DPP9: variants seen among roughly 807,000 people sequenced by gnomAD.
The protein encoded by DPP9 is dipeptidyl peptidase IV-related protein-2.
Under a neutral mutation model 110.7 loss-of-function variants are expected in DPP9, and 50 were observed. That is an observed-to-expected ratio of 0.45 (90% CI 0.36 to 0.57). DPP9 has a LOEUF of 0.57. Ranked by LOEUF, DPP9 falls within the 20% of genes least tolerant of loss-of-function variation. The pLI is 0.00. For missense variants in DPP9, 1,022 were observed against 1,217.9 expected (o/e 0.84, Z 2.39); for synonymous variants, 561 against 514.4 (o/e 1.09, Z -1.23).
chr19:4,722,614 C>G (rs1056036582), intron 1 of DPP9, 63 bp from the exon 2 acceptor site: 17 of 700,526 alleles, frequency 2.4e-5, no homozygotes, highest in African/African-American at 1.9e-4. Context: ...AGCCGTTCAG[C>G]CTCCCCCACT....
Sources: allele counts gnomAD v4.1 joint callset, GRCh38; gene constraint gnomAD v4.1.1; transcripts MANE v1.5; gene names NCBI Gene and HGNC (gene_info 2026-07-23, HGNC 2026-07-21).